EDN1: variants seen among roughly 807,000 people sequenced by gnomAD.
EDN1 encodes endothelin 1.
EDN1 carries 11 observed loss-of-function variants against 21.7 expected under a neutral mutation model. That is an observed-to-expected ratio of 0.51 (90% CI 0.32 to 0.84). EDN1 has a LOEUF of 0.84. Ranked by LOEUF, EDN1 falls within the 40% of genes least tolerant of loss-of-function variation. EDN1 has a pLI of 0.03. For missense variants in EDN1, 244 were observed against 262.3 expected (o/e 0.93, Z 0.48); for synonymous variants, 85 against 90.6 (o/e 0.94, Z 0.35).
chr6:12,276,701 T>C, the EDN1 span, among the ~76,000 whole-genome samples: 711 of 152,180 alleles, frequency 4.7e-3, 8 homozygotes, highest in African/African-American at 0.014. Context: ...TCCAGAAGCA[T>C]AGGGACAGCT....
the EDN1 span, among the ~76,000 whole-genome samples, chr6:12,267,471 C>T: frequency 6.6e-6 from 1 of 152,104 alleles, no homozygotes; most frequent in Non-Finnish European, 1.5e-5. Context: ...AAGAACAAAC[C>T]AGGCACAGCA....
chr6:12,280,674 C>T, the EDN1 span, among the ~76,000 whole-genome samples: 1 of 152,086 alleles, frequency 6.6e-6, no homozygotes, highest in Admixed American at 6.5e-5. Context: ...ACGGACGGAT[C>T]GCCTGAGGTC....
the EDN1 span, among the ~76,000 whole-genome samples, chr6:12,242,269 G>T: frequency 9.2e-5 from 14 of 152,294 alleles, no homozygotes; most frequent in Admixed American, 5.2e-4. Flanking sequence ...CGCAGGGAAT[G>T]AGAATGGTCA....
chr6:12,279,054 G>A, the EDN1 span, among the ~76,000 whole-genome samples: 1 of 152,138 alleles, frequency 6.6e-6, no homozygotes, highest in Non-Finnish European at 1.5e-5. Flanking sequence ...GCTTTTTGCA[G>A]CTGGACTCCC....
At chr6:12,259,119 A>T in the EDN1 span, among the ~76,000 whole-genome samples, 15 of 152,070 alleles carry the variant, frequency 9.9e-5, no homozygotes, top group African/African-American at 3.6e-4. Flanking sequence ...GCCTTTCTGT[A>T]TTTCTTTAAA....
upstream of EDN1, among the ~76,000 whole-genome samples, chr6:12,285,790 G>A (rs745339432): frequency 1.3e-5 from 2 of 152,098 alleles, no homozygotes; most frequent in Non-Finnish European, 2.9e-5. Flanking sequence ...GGGTGGTCTC[G>A]AACTCCTGAC....
chr6:12,266,299 G>GA, the EDN1 span, among the ~76,000 whole-genome samples: 1 of 152,194 alleles, frequency 6.6e-6, no homozygotes. Flanking sequence ...CCTTGAAAGA[G>GA]AAAAGAAGTG....
intron 2 of EDN1, among the ~76,000 whole-genome samples, chr6:12,292,843 C>T (rs771860691): frequency 6.6e-6 from 1 of 152,114 alleles, no homozygotes; most frequent in East Asian, 1.9e-4. Context: ...GAATAATTGC[C>T]GAGGTCAGAT....
the EDN1 span, among the ~76,000 whole-genome samples, chr6:12,258,408 C>G: frequency 7.7e-6 from 1 of 129,158 alleles, no homozygotes; most frequent in Non-Finnish European, 1.6e-5. Flanking sequence ...TGTGATTGCA[C>G]CACCACATTC....
chr6:12,292,563 T>C (rs1762712743), intron 2 of EDN1, 54 bp downstream of exon 2: 8 of 1,605,298 alleles, frequency 5.0e-6, no homozygotes, highest in Non-Finnish European at 6.8e-6. Context: ...CTGGCTCCAC[T>C]GGAGCCCAGT....
chr6:12,287,688 C>CCCTCT (rs1762576832), upstream of EDN1, among the ~76,000 whole-genome samples: 3 of 112,604 alleles, frequency 2.7e-5, no homozygotes, highest in Non-Finnish European at 3.5e-5. Flanking sequence ...TCTCTCTCTC[C>CCCTCT]CTCTCTCTCT....
chr6:12,295,913 G>C, intron 4 of EDN1, 49 bp from the exon 5 acceptor site: 11 of 1,571,764 alleles, frequency 7.0e-6, no homozygotes, highest in Non-Finnish European at 9.6e-6. Context: ...TTTGCCAAAG[G>C]GTGATTTTTT....
the EDN1 span, among the ~76,000 whole-genome samples, chr6:12,267,922 T>C: frequency 2.8e-4 from 43 of 152,294 alleles, no homozygotes; most frequent in South Asian, 8.9e-3. Flanking sequence ...CCTAGGGCCT[T>C]TAAGAATTAT....
the EDN1 span, among the ~76,000 whole-genome samples, chr6:12,285,080 TTAATAA>T: frequency 6.6e-6 from 1 of 152,124 alleles, no homozygotes; most frequent in Non-Finnish European, 1.5e-5. Context: ...GATTCTAATA[TTAATAA>T]TAATAATTAA....
chr6:12,239,329 C>T, the EDN1 span, among the ~76,000 whole-genome samples: 6 of 152,158 alleles, frequency 3.9e-5, no homozygotes, highest in Non-Finnish European at 8.8e-5. Context: ...TGTTCTTGTT[C>T]CTTTTTCTGA....
chr6:12,246,929 A>G, the EDN1 span, among the ~76,000 whole-genome samples: 1 of 152,232 alleles, frequency 6.6e-6, no homozygotes, highest in Non-Finnish European at 1.5e-5. Flanking sequence ...ATGTAGCACT[A>G]TTGAACATAT....
Position 12,290,613 on chromosome 6 carries a change from G to C in EDN1, c.-17G>C. 1 of 1,613,428 alleles carries C rather than the reference G, an allele frequency of 6.2e-7. No homozygotes were observed. The highest frequency in any genetic ancestry group is 1.7e-4 in the Middle Eastern group (1 of 6,058). On this transcript the variant is annotated 5_prime_UTR_variant, in exon 1 of 5. Coordinates refer to ENST00000379375, the MANE Select transcript of EDN1 (RefSeq NM_001955.5). ...GGTTCAGTTTGAACGGGAGGTTTTT[G>C]ATCCCTTTTTTTCAGAATGGATTAT... is the stretch of plus-strand genomic sequence containing the variant.
chr6:12,253,102 A>C, the EDN1 span, among the ~76,000 whole-genome samples: 1 of 152,094 alleles, frequency 6.6e-6, no homozygotes, highest in Admixed American at 6.5e-5. Context: ...AACCCCACAC[A>C]CTCAAAGGAA....
Position 12,296,293 on chromosome 6 carries a change from C to G in EDN1, c.*226C>G. 2.0e-6 allele frequency: 1 copy of G among 510,204 alleles called. No homozygotes were observed. The highest frequency in any genetic ancestry group is 2.0e-5 in the South Asian group (1 of 50,080). The allele number at this position is 510,204 out of a possible 1,614,324, so 31.6% of individuals were successfully genotyped here. A position where few individuals can be genotyped will look rare whatever the true frequency, so the allele number is the denominator to read the frequency against. On this transcript the variant is annotated 3_prime_UTR_variant, in exon 5 of 5. Coordinates refer to ENST00000379375, the MANE Select transcript of EDN1 (RefSeq NM_001955.5). ...TAACTGCTTTGGTCTCTTCTTTCAT[C>G]TGGGGATGACAATGGACCTCTCAGC...
Sources: gnomAD v4.1 joint callset for allele counts (sites outside exome capture counted in the v4.1 genomes callset) on GRCh38, gnomAD v4.1.1 for gene constraint, MANE v1.5 for transcripts, NCBI Gene and HGNC (gene_info 2026-07-23, HGNC 2026-07-21) for gene names.